Variants in RAB21 observed in about 807,000 individuals in gnomAD.
The protein encoded by RAB21 is RAB21, member RAS oncogene family, also known as ras-related protein Rab-21.
RAB21 carries 13 observed loss-of-function variants against 33.1 expected under a neutral mutation model. The observed-to-expected ratio is 0.39, with a 90% CI of 0.26 to 0.62. The LOEUF (loss-of-function observed/expected upper bound fraction) is 0.62, where lower values mean the gene tolerates loss of function less well. Ranked by LOEUF, RAB21 falls within the 20% of genes least tolerant of loss-of-function variation. The pLI, the probability that RAB21 is intolerant of heterozygous loss-of-function variation, is 0.48. For synonymous variants in RAB21, 91 were observed against 103.7 expected, an observed-to-expected ratio of 0.88 and a Z score of 0.74; for missense variants, 234 against 279.1, an observed-to-expected ratio of 0.84 and a Z score of 1.15.
At chr12:71,782,145 C>A in intron 5 of RAB21, 60 bp downstream of exon 5, 1 of 1,463,042 alleles carries the variant, frequency 6.8e-7, no homozygotes, top group Non-Finnish European at 9.5e-7. Context: ...CCTCTTTATA[C>A]GTTTTGCTTT....
chr12:71,766,529 A>T (rs945499539), intron 1 of RAB21, among the ~76,000 whole-genome samples: 6 of 152,148 alleles, frequency 3.9e-5, no homozygotes, highest in Admixed American at 1.3e-4. Context: ...AACACTGCCC[A>T]TTTCATTGTA....
At chr12:71,780,853 T>TTA (rs1223903500) in intron 4 of RAB21, among the ~76,000 whole-genome samples, 17 of 152,210 alleles carry the variant, frequency 1.1e-4, no homozygotes, top group African/African-American at 4.1e-4. Context: ...GTAACCTTAT[T>TTA]TATAAGATTT....
intron 4 of RAB21, among the ~76,000 whole-genome samples, chr12:71,780,932 T>C (rs1232540674): frequency 1.3e-5 from 2 of 152,184 alleles, no homozygotes; most frequent in Non-Finnish European, 2.9e-5. Context: ...CCATAGGGTA[T>C]TTTTCCTTAT....
At chr12:71,782,244 G>T (rs1404585989) in intron 5 of RAB21, among the ~76,000 whole-genome samples, 159 bp downstream of exon 5, 1 of 152,142 alleles carries the variant, frequency 6.6e-6, no homozygotes, top group African/African-American at 2.4e-5. Flanking sequence ...TGGGCTTGTG[G>T]CAATAAAGCC....
Position 71,799,741 on chromosome 12 carries a change from ACAAGT to A in RAB21, c.*14069_*14073del, listed in dbSNP as rs1883513394. The stretch of plus-strand genomic sequence containing the variant: ...TGTATACTGTATATTTTAAAATTGA[ACAAGT>A]ATAGTAGACAATTGAAGTATAGTAA... On this transcript the variant is annotated 3_prime_UTR_variant, in exon 7 of 7. Transcript: ENST00000261263. The A allele has an allele frequency of 6.6e-6, 1 of 152,190 alleles. No individual in the cohort carries two copies. The highest frequency in any genetic ancestry group is 1.5e-5 in the Non-Finnish European group (1 of 68,024). 9.4% of individuals were successfully genotyped at this position (152,190 alleles called of 1,614,324 possible).
intron 4 of RAB21, among the ~76,000 whole-genome samples, chr12:71,776,093 G>C (rs1450761357): frequency 6.6e-6 from 1 of 152,114 alleles, no homozygotes; most frequent in East Asian, 1.9e-4. Flanking sequence ...GTGGTATATG[G>C]ACTTACTAGG....
chr12:71,766,712 G>A (rs775391785), intron 1 of RAB21, among the ~76,000 whole-genome samples: 1 of 151,978 alleles, frequency 6.6e-6, no homozygotes, highest in African/African-American at 2.4e-5. Flanking sequence ...GAGTATAAGA[G>A]AACATGAAAT....
chr12:71,769,887 G>C (rs774220659), intron 2 of RAB21, 28 bp downstream of exon 2: 1 of 1,220,766 alleles, frequency 8.2e-7, no homozygotes, highest in African/African-American at 1.6e-5. Flanking sequence ...ACTATTATGC[G>C]TGGAGGCTTC....
At position 71,793,365 on chromosome 12, in the gene RAB21, T is replaced by C. The variant is rs1194472234; in HGVS notation, c.*7692T>C. 4 of 152,164 alleles carry C rather than the reference T, an allele frequency of 2.6e-5. No individual in the cohort carries two copies. The highest frequency in any genetic ancestry group is 9.7e-5 in the African/African-American group (4 of 41,434). 9.4% of individuals were successfully genotyped at this position (152,164 alleles called of 1,614,324 possible). ...TGGGTCCCTTTTTTTCTATCTGAAA[T>C]TGAAGATACAGGTCAGAAAGATGGT... is the stretch of plus-strand genomic sequence containing the variant. On this transcript the variant is annotated 3_prime_UTR_variant, in exon 7 of 7. Transcript: ENST00000261263.
In RAB21 at chr12:71,756,389, G is replaced by A. The variant is rs1882786141; in HGVS notation, c.159+1101G>A. 1.3e-5 allele frequency among the ~76,000 whole-genome samples: 2 copies of A among 152,190 alleles called. 1 individual carries two copies. Among genetic ancestry groups the A allele is most frequent in the Admixed American group, 1.3e-4 (2 of 15,278 alleles). On this transcript the variant is annotated intron_variant, in intron 1 of 6. Transcript: ENST00000261263. ...CTGCCTTTAATTACCGCCCCAACTT[G>A]CACAATAGGTCTTAATTAGTAAATG...
intron 2 of RAB21, 196 bp from the exon 3 acceptor site, chr12:71,770,396 C>T: frequency 1.8e-6 from 1 of 559,820 alleles, no homozygotes; most frequent in Non-Finnish European, 3.2e-6. Flanking sequence ...TTGTATATCA[C>T]TAAAACATTA....
rs1470660677 is a variant in RAB21, at chr12:71,795,104, A to C, written c.*9431A>C. On this transcript the variant is annotated 3_prime_UTR_variant, in exon 7 of 7. Transcript: ENST00000261263. ...GAGCTAAAGAGTTCAATGATGATTA[A>C]GACCACTAGTCTGGCAAGTGACTTT... 1 of 152,170 alleles carries C rather than the reference A, an allele frequency of 6.6e-6. No individual in the cohort carries two copies. Among genetic ancestry groups the C allele is most frequent in the Non-Finnish European group, 1.5e-5 (1 of 68,024 alleles). 9.4% of individuals were successfully genotyped at this position (152,170 alleles called of 1,614,324 possible). A position where few individuals can be genotyped will look rare whatever the true frequency, so the allele number is the denominator to read the frequency against.
intron 4 of RAB21, among the ~76,000 whole-genome samples, chr12:71,779,582 A>G (rs568360844): frequency 1.7e-4 from 26 of 152,374 alleles, no homozygotes; most frequent in African/African-American, 6.0e-4. Flanking sequence ...CAGTCTAAGC[A>G]TAATATGATT....
At chr12:71,762,416 C>T (rs370720891) in intron 1 of RAB21, among the ~76,000 whole-genome samples, 1 of 152,134 alleles carries the variant, frequency 6.6e-6, no homozygotes, top group East Asian at 1.9e-4. Context: ...CGCCATTCTC[C>T]TGCCTCAGCC....
At chr12:71,758,282 C>T (rs1882817357) in intron 1 of RAB21, among the ~76,000 whole-genome samples, 1 of 152,074 alleles carries the variant, frequency 6.6e-6, no homozygotes, top group Non-Finnish European at 1.5e-5. Flanking sequence ...ATCCACCTGC[C>T]TCGGCCTCCC....
Position 71,798,086 on chromosome 12 carries a change from AATT to A in RAB21, c.*12423_*12425del, listed in dbSNP as rs1179539760. 3.3e-5 allele frequency: 5 copies of A among 152,118 alleles called. No individual in the cohort carries two copies. Among genetic ancestry groups the A allele is most frequent in the African/African-American group, 7.2e-5 (3 of 41,410 alleles). 9.4% of individuals were successfully genotyped at this position (152,118 alleles called of 1,614,324 possible). A position where few individuals can be genotyped will look rare whatever the true frequency, so the allele number is the denominator to read the frequency against. ...TTTTCACTATAAATTTGTAACAATAAATTATTATTATTTTTGAGATGGAGTCTC... is the reference window on the plus strand; with the variant it reads ...TTTTCACTATAAATTTGTAACAATAAATTATTATTTTTGAGATGGAGTCTC... On this transcript the variant is annotated 3_prime_UTR_variant, in exon 7 of 7. Transcript: ENST00000261263.
intron 1 of RAB21, among the ~76,000 whole-genome samples, chr12:71,765,295 G>A (rs1274341571): frequency 6.6e-6 from 1 of 152,028 alleles, no homozygotes; most frequent in Non-Finnish European, 1.5e-5. Flanking sequence ...CCCACTTTTT[G>A]ATGGGGTTGT....
chr12:71,761,885 G>A (rs1039693882), intron 1 of RAB21, among the ~76,000 whole-genome samples: 1 of 152,074 alleles, frequency 6.6e-6, no homozygotes, highest in African/African-American at 2.4e-5. Context: ...CATAGTCTTG[G>A]TCTAGGAATC....
chr12:71,768,177 T>G (rs1882989003), intron 1 of RAB21, among the ~76,000 whole-genome samples: 1 of 152,172 alleles, frequency 6.6e-6, no homozygotes, highest in African/African-American at 2.4e-5. Flanking sequence ...CATACATGGG[T>G]TTGAACCCAG....
Sources: allele counts gnomAD v4.1 joint callset (sites outside exome capture counted in the v4.1 genomes callset), GRCh38; gene constraint gnomAD v4.1.1; transcripts MANE v1.5; gene names NCBI Gene and HGNC (gene_info 2026-07-23, HGNC 2026-07-21).